KLHL1: variants seen among roughly 807,000 people sequenced by gnomAD.
The protein encoded by KLHL1 is kelch-like protein 1.
A neutral mutation model predicts 77.7 loss-of-function variants in KLHL1; 47 were observed. That is an observed-to-expected ratio of 0.60 (90% CI 0.48 to 0.77). The LOEUF is 0.77. Ranked by LOEUF, KLHL1 falls within the 30% of genes least tolerant of loss-of-function variation. The pLI, the probability that KLHL1 is intolerant of heterozygous loss-of-function variation, is 0.00. For missense variants in KLHL1, 925 were observed against 910.8 expected (o/e 1.02, Z -0.20); for synonymous variants, 360 against 325.2 (o/e 1.11, Z -1.15).
At chr13:70,040,054 G>A (rs1055110270) in intron 1 of KLHL1, among the ~76,000 whole-genome samples, 1 of 152,084 alleles carries the variant, frequency 6.6e-6, no homozygotes, top group Middle Eastern at 3.2e-3. Flanking sequence ...TTCACCAGTT[G>A]TAATGAAATG....
At chr13:69,910,527 G>T (rs1377196125) in intron 4 of KLHL1, among the ~76,000 whole-genome samples, 1 of 151,852 alleles carries the variant, frequency 6.6e-6, no homozygotes, top group African/African-American at 2.4e-5. Context: ...TTCGGGTATC[G>T]GATGGCTGTG....
In KLHL1 at chr13:69,910,873, A is replaced by G. The variant is rs149780007; in HGVS notation, c.1015-28378T>C. The stretch of plus-strand genomic sequence containing the variant: ...AAGCCAGAGGACACATATATAAGCA[A>G]TCAGGAAATAAGCAATGAATTTGTT... On this transcript the variant is annotated intron_variant, in intron 4 of 10. Coordinates refer to ENST00000377844, the MANE Select transcript of KLHL1 (RefSeq NM_020866.3). 7.3e-3 allele frequency among the ~76,000 whole-genome samples: 1,110 copies of G among 152,244 alleles called. 11 individuals carry two copies. Among genetic ancestry groups the G allele is most frequent in the African/African-American group, 0.025 (1,054 of 41,574 alleles).
intron 5 of KLHL1, among the ~76,000 whole-genome samples, chr13:69,849,841 ATTTAT>A (rs1566322888): frequency 1.3e-5 from 2 of 151,440 alleles, no homozygotes; most frequent in African/African-American, 4.8e-5. Flanking sequence ...GAATCTATTA[ATTTAT>A]TTTAAATAAT....
At chr13:69,742,306 C>T (rs1174431773) in intron 7 of KLHL1, among the ~76,000 whole-genome samples, 1 of 152,132 alleles carries the variant, frequency 6.6e-6, no homozygotes, top group Non-Finnish European at 1.5e-5. Flanking sequence ...AACTATCTCT[C>T]TGTTCTTAGT....
chr13:69,701,880 G>T, intron 10 of KLHL1, 119 bp from the exon 11 acceptor site: 1 of 695,598 alleles, frequency 1.4e-6, no homozygotes, highest in Non-Finnish European at 2.3e-6. Context: ...TCCCATTTTA[G>T]CCAGAAGTAG....
intron 4 of KLHL1, among the ~76,000 whole-genome samples, chr13:69,887,998 A>G (rs565452211): frequency 3.3e-5 from 5 of 152,260 alleles, no homozygotes; most frequent in Admixed American, 3.3e-4. Context: ...CTATAAAACC[A>G]TCTTAGACTG....
intron 4 of KLHL1, among the ~76,000 whole-genome samples, chr13:69,889,400 A>G (rs1430307725): frequency 1.3e-5 from 2 of 152,066 alleles, no homozygotes; most frequent in Non-Finnish European, 2.9e-5. Flanking sequence ...GCATATAGTC[A>G]TACTCATGGT....
At chr13:70,066,344 A>G (rs745888740) in intron 1 of KLHL1, among the ~76,000 whole-genome samples, 1 of 152,230 alleles carries the variant, frequency 6.6e-6, no homozygotes, top group Non-Finnish European at 1.5e-5. Flanking sequence ...ACGAGCCTTT[A>G]TTGAATACCT....
chr13:70,030,150 C>G (rs1241349132), intron 1 of KLHL1, among the ~76,000 whole-genome samples: 23 of 152,216 alleles, frequency 1.5e-4, no homozygotes, highest in African/African-American at 5.1e-4. Flanking sequence ...TAATGGGAGA[C>G]TTTAACACCC....
chr13:69,880,520 T>C (rs1204930082), intron 5 of KLHL1, among the ~76,000 whole-genome samples: 2 of 152,280 alleles, frequency 1.3e-5, no homozygotes, highest in East Asian at 3.9e-4. Context: ...GAATATTTTA[T>C]ATCTTAATTT....
intron 4 of KLHL1, among the ~76,000 whole-genome samples, chr13:69,885,219 C>T (rs947671420): frequency 1.5e-5 from 2 of 136,856 alleles, no homozygotes; most frequent in South Asian, 2.1e-4. Flanking sequence ...GGATTACAGG[C>T]GTGAGCCACC....
At chr13:69,807,543 C>T (rs1877667778) in intron 6 of KLHL1, among the ~76,000 whole-genome samples, 1 of 152,136 alleles carries the variant, frequency 6.6e-6, no homozygotes, top group African/African-American at 2.4e-5. Context: ...CCACACTCCC[C>T]ATGTAGTTCA....
chr13:69,955,954 A>ATT (rs1555285196), intron 3 of KLHL1, among the ~76,000 whole-genome samples: 1 of 129,588 alleles, frequency 7.7e-6, no homozygotes, highest in Non-Finnish European at 1.6e-5. Context: ...TTATATATAT[A>ATT]TTTGATATTT....
At chr13:69,900,599 A>G (rs1369636339) in intron 4 of KLHL1, among the ~76,000 whole-genome samples, 5 of 152,202 alleles carry the variant, frequency 3.3e-5, no homozygotes, top group African/African-American at 1.2e-4. Context: ...TGGTAGACAC[A>G]GTAAAAGTTT....
chr13:70,018,563 G>T (rs1885714909), intron 1 of KLHL1, among the ~76,000 whole-genome samples: 1 of 152,240 alleles, frequency 6.6e-6, no homozygotes, highest in African/African-American at 2.4e-5. Flanking sequence ...TAGGTGACTT[G>T]TTGGATGACT....
At chr13:69,853,566 C>A (rs762509409) in intron 5 of KLHL1, among the ~76,000 whole-genome samples, 9 of 151,992 alleles carry the variant, frequency 5.9e-5, no homozygotes, top group Non-Finnish European at 1.3e-4. Context: ...CCTGGACTTG[C>A]ATATCAGTAG....
At chr13:69,892,907 T>C (rs1208844269) in intron 4 of KLHL1, among the ~76,000 whole-genome samples, 1 of 152,244 alleles carries the variant, frequency 6.6e-6, no homozygotes, top group African/African-American at 2.4e-5. Context: ...CAGAAGCATG[T>C]AAAATTTTAA....
At chr13:69,936,806 C>T (rs1178129061) in intron 4 of KLHL1, among the ~76,000 whole-genome samples, 1 of 152,064 alleles carries the variant, frequency 6.6e-6, no homozygotes, top group Admixed American at 6.6e-5. Flanking sequence ...CATGAATTTT[C>T]TCAAAAGCAC....
chr13:69,746,437 T>C (rs1046236652), intron 7 of KLHL1, among the ~76,000 whole-genome samples: 3 of 151,980 alleles, frequency 2.0e-5, no homozygotes, highest in Non-Finnish European at 2.9e-5. Context: ...TTAGCTACAC[T>C]AAGAATTATA....
Sources: gnomAD v4.1 joint callset for allele counts (sites outside exome capture counted in the v4.1 genomes callset) on GRCh38, gnomAD v4.1.1 for gene constraint, MANE v1.5 for transcripts, NCBI Gene and HGNC (gene_info 2026-07-23, HGNC 2026-07-21) for gene names.